The following SNTG1 variants were observed in gnomAD, a reference collection of about 807,000 sequenced individuals.
SNTG1 encodes syntrophin gamma 1, also known as gamma-1-syntrophin.
Under a neutral mutation model 74.7 loss-of-function variants are expected in SNTG1, and 39 were observed. The observed-to-expected ratio is 0.52, with a 90% CI of 0.40 to 0.68. The LOEUF is 0.68. Ranked by LOEUF, SNTG1 falls within the 30% of genes least tolerant of loss-of-function variation. The pLI is 0.00. For missense variants in SNTG1, 685 were observed against 609.5 expected (o/e 1.12, Z -1.30); for synonymous variants, 254 against 217.1 (o/e 1.17, Z -1.49).
rs539854092 is a variant in SNTG1, at chr8:50,704,521, C to T, written c.1039-79C>T. 2.5e-6 allele frequency: 4 copies of T among 1,585,390 alleles called. No individual in the cohort carries two copies. The South Asian group carries it at 4.4e-5, about 18-fold the overall frequency. ...TGTCTTTTTACCTGTGGCTTCTGCA[C>T]CTTGGTCCAGTCAGGAATGGCCAGG... is the stretch of plus-strand genomic sequence containing the variant. On this transcript the variant is annotated intron_variant, in intron 15 of 18. Transcript: ENST00000642720.
intron 4 of SNTG1, among the ~76,000 whole-genome samples, chr8:50,426,071 C>A (rs182502612): frequency 1.3e-3 from 202 of 152,154 alleles, no homozygotes; most frequent in African/African-American, 4.7e-3. Flanking sequence ...ACCGAGGCTC[C>A]CCTATTAACA....
intron 11 of SNTG1, among the ~76,000 whole-genome samples, chr8:50,539,362 G>A (rs953051258): frequency 6.6e-6 from 1 of 152,034 alleles, no homozygotes; most frequent in Non-Finnish European, 1.5e-5. Context: ...GTGAGGACTG[G>A]GTGGGTGTAT....
intron 17 of SNTG1, among the ~76,000 whole-genome samples, chr8:50,717,457 A>G (rs2095477775): frequency 6.6e-6 from 1 of 152,242 alleles, no homozygotes. Context: ...GCGTTATTCT[A>G]AAATTAAATG....
At chr8:50,553,694 G>T (rs796348740) in intron 12 of SNTG1, among the ~76,000 whole-genome samples, 27 of 151,998 alleles carry the variant, frequency 1.8e-4, no homozygotes, top group African/African-American at 6.5e-4. Flanking sequence ...CACTACAACC[G>T]TTGCTTCCTT....
chr8:50,555,717 A>T (rs954806752), intron 12 of SNTG1, among the ~76,000 whole-genome samples: 2 of 152,148 alleles, frequency 1.3e-5, no homozygotes, highest in Middle Eastern at 3.2e-3. Flanking sequence ...AAGAAATTCC[A>T]CTCAAGAGAT....
At chr8:50,491,104 G>A (rs1277173306) in intron 8 of SNTG1, 1 of 152,432 alleles carries the variant, frequency 6.6e-6, no homozygotes, top group Non-Finnish European at 1.5e-5. Flanking sequence ...CCTTGGCCCA[G>A]GGCCCTTCCT....
chr8:49,915,186 A>G (rs1457973712), intron 1 of SNTG1, among the ~76,000 whole-genome samples: 1 of 152,178 alleles, frequency 6.6e-6, no homozygotes, highest in Non-Finnish European at 1.5e-5. Context: ...CTTTTCAATG[A>G]AGACACAATA....
At chr8:50,384,411 G>A (rs1465744289) in intron 2 of SNTG1, among the ~76,000 whole-genome samples, 2 of 152,282 alleles carry the variant, frequency 1.3e-5, no homozygotes, top group South Asian at 4.1e-4. Flanking sequence ...TAGCAAGAAC[G>A]CTGTGTATAG....
intron 8 of SNTG1, among the ~76,000 whole-genome samples, chr8:50,461,497 A>G (rs1296385401): frequency 6.6e-6 from 1 of 152,166 alleles, no homozygotes; most frequent in African/African-American, 2.4e-5. Flanking sequence ...AATTCTGTTA[A>G]CATAGATTTA....
At chr8:50,779,640 C>G (rs912612154) in intron 18 of SNTG1, among the ~76,000 whole-genome samples, 16 of 151,796 alleles carry the variant, frequency 1.1e-4, no homozygotes, top group African/African-American at 4.9e-5. Context: ...ACAATCATGT[C>G]ATCTGCAAAC....
chr8:50,404,087 G>C (rs1661950075), intron 4 of SNTG1, among the ~76,000 whole-genome samples: 1 of 152,052 alleles, frequency 6.6e-6, no homozygotes, highest in Admixed American at 6.6e-5. Flanking sequence ...ATTAAGCAAG[G>C]TTGCTGAGAA....
chr8:50,501,153 C>T (rs182139432), intron 8 of SNTG1, among the ~76,000 whole-genome samples: 3 of 152,096 alleles, frequency 2.0e-5, no homozygotes, highest in South Asian at 2.1e-4. Context: ...GGTATTAGTG[C>T]GGCTCCTTTA....
chr8:50,393,284 C>T (rs2092686279), intron 2 of SNTG1, among the ~76,000 whole-genome samples: 5 of 151,940 alleles, frequency 3.3e-5, no homozygotes, highest in Admixed American at 3.3e-4. Flanking sequence ...CTCTGTTTTG[C>T]CACACTTACC....
intron 13 of SNTG1, among the ~76,000 whole-genome samples, chr8:50,603,347 G>C (rs1364066225): frequency 1.3e-5 from 2 of 152,124 alleles, no homozygotes; most frequent in East Asian, 3.9e-4. Flanking sequence ...TAGAATTTCT[G>C]CTTGATTCTT....
chr8:49,975,008 C>T (rs549519014), intron 1 of SNTG1, among the ~76,000 whole-genome samples: 19 of 151,986 alleles, frequency 1.3e-4, no homozygotes, highest in Non-Finnish European at 2.4e-4. Flanking sequence ...TCCATGGACA[C>T]GTCCATGGAA....
intron 1 of SNTG1, among the ~76,000 whole-genome samples, chr8:50,146,014 G>T (rs967326826): frequency 9.9e-5 from 15 of 151,252 alleles, no homozygotes; most frequent in Non-Finnish European, 1.8e-4. Context: ...TAGAAATATA[G>T]CTAAATATAG....
intron 8 of SNTG1, among the ~76,000 whole-genome samples, chr8:50,497,859 T>C (rs1012538958): frequency 5.3e-5 from 8 of 152,048 alleles, no homozygotes; most frequent in Non-Finnish European, 8.8e-5. Context: ...AATGTAATCA[T>C]ATAATAGTAT....
chr8:50,656,344 G>C (rs1389422287), intron 13 of SNTG1, among the ~76,000 whole-genome samples: 7 of 152,134 alleles, frequency 4.6e-5, no homozygotes, highest in Admixed American at 6.6e-5. Context: ...TGATTTCAAT[G>C]CCATTTGATA....
In SNTG1 at chr8:50,486,504, T is replaced by A. The variant is rs2093796037; in HGVS notation, c.364-16274T>A. Among the ~76,000 whole-genome samples, 31 of 122,044 alleles carry A rather than the reference T, an allele frequency of 2.5e-4. 2 individuals are homozygous for A. In the South Asian group the frequency reaches 9.1e-3, roughly 36 times the overall value. 80.1% of individuals were successfully genotyped at this position (122,044 alleles called of 152,430 possible). A position where few individuals can be genotyped will look rare whatever the true frequency, so the allele number is the denominator to read the frequency against. On this transcript the variant is annotated intron_variant, in intron 8 of 18. Coordinates refer to ENST00000642720, the MANE Select transcript of SNTG1 (RefSeq NM_018967.5). ...TGATTTTTTGTACATTGATTTTGTA[T>A]CCTGAGACTTTGCTGAAGTTGCTTA...
Sources: gnomAD v4.1 joint callset for allele counts (sites outside exome capture counted in the v4.1 genomes callset) on GRCh38, gnomAD v4.1.1 for gene constraint, MANE v1.5 for transcripts, NCBI Gene and HGNC (gene_info 2026-07-23, HGNC 2026-07-21) for gene names.